The following ZZEF1 variants were observed in gnomAD, a reference collection of about 807,000 sequenced individuals.
The protein encoded by ZZEF1 is zinc finger ZZ-type and EF-hand domain containing 1.
A neutral mutation model predicts 342.8 loss-of-function variants in ZZEF1; 157 were observed. That is an observed-to-expected ratio of 0.46 (90% CI 0.40 to 0.52). The LOEUF (loss-of-function observed/expected upper bound fraction) is 0.52, where lower values mean the gene tolerates loss of function less well. ZZEF1 is among the 20% of genes least tolerant of loss of function. ZZEF1 has a pLI of 0.00. For synonymous variants in ZZEF1, 1,505 were observed against 1,429.1 expected (o/e 1.05, Z -1.20); for missense variants, 3,480 against 3,725.6 (o/e 0.93, Z 1.72).
At chr17:4,107,974 T>C (rs1199250502) in intron 6 of ZZEF1, among the ~76,000 whole-genome samples, 2 of 152,184 alleles carry the variant, frequency 1.3e-5, no homozygotes, top group Non-Finnish European at 2.9e-5. Context: ...CAAGCCAGAC[T>C]GCAGGGGTTG....
rs143937189 is a variant in ZZEF1, at chr17:4,129,969, T to A, written c.355-5918A>T. On this transcript the variant is annotated intron_variant, in intron 1 of 54. Transcript: ENST00000381638. ...CAAGTGGGAGCTAAATGATGAGAAC[T>A]CGAGAACACAAAGAAGAAACAACGG... is the stretch of plus-strand genomic sequence containing the variant. 2.4e-3 allele frequency among the ~76,000 whole-genome samples: 363 copies of A among 151,976 alleles called. 18 individuals are homozygous for A. In the East Asian group the frequency reaches 0.062, roughly 26 times the overall value.
At chr17:4,036,815 A>ACACT (rs1201707489) in intron 39 of ZZEF1, among the ~76,000 whole-genome samples, 1 of 78,726 alleles carries the variant, frequency 1.3e-5, no homozygotes, top group African/African-American at 7.6e-5. Context: ...ACACACACAC[A>ACACT]CACTCTCTCT....
chr17:4,065,584 T>G (rs1319668713), intron 28 of ZZEF1, among the ~76,000 whole-genome samples: 2 of 152,080 alleles, frequency 1.3e-5, no homozygotes, highest in Non-Finnish European at 2.9e-5. Context: ...GAAAATACCA[T>G]AAGGACCCTT....
intron 37 of ZZEF1, among the ~76,000 whole-genome samples, chr17:4,047,167 G>T (rs542250981): frequency 1.3e-5 from 2 of 152,306 alleles, no homozygotes; most frequent in South Asian, 4.1e-4. Context: ...ACAGTGCCCT[G>T]GGACCTCTTT....
intron 1 of ZZEF1, among the ~76,000 whole-genome samples, chr17:4,135,778 T>C (rs2058737932): frequency 6.6e-6 from 1 of 152,122 alleles, no homozygotes; most frequent in African/African-American, 2.4e-5. Context: ...CAGCTCTCCA[T>C]TTGCTATGGT....
At chr17:4,087,144 T>C (rs2057847751) in intron 14 of ZZEF1, among the ~76,000 whole-genome samples, 1 of 152,304 alleles carries the variant, frequency 6.6e-6, no homozygotes, top group East Asian at 1.9e-4. Flanking sequence ...CCTCCCAAAG[T>C]GCTGGGATTA....
chr17:4,096,983 C>A (rs930047670), intron 9 of ZZEF1, among the ~76,000 whole-genome samples: 1 of 151,996 alleles, frequency 6.6e-6, no homozygotes, highest in African/African-American at 2.4e-5. Flanking sequence ...ATGTTTAGGC[C>A]GGGCACAGTG....
At chr17:4,011,534 G>A (rs899291017) in intron 52 of ZZEF1, among the ~76,000 whole-genome samples, 1 of 151,914 alleles carries the variant, frequency 6.6e-6, no homozygotes, top group East Asian at 1.9e-4. Context: ...CTGAGAGAAT[G>A]AACTGAGGGG....
At chr17:4,113,442 C>A (rs1381446905) in intron 4 of ZZEF1, among the ~76,000 whole-genome samples, 1 of 152,144 alleles carries the variant, frequency 6.6e-6, no homozygotes, top group Non-Finnish European at 1.5e-5. Flanking sequence ...GTAATCCCAG[C>A]ACTTTGAGAA....
At chr17:4,047,727 G>C (rs2056952425) in intron 37 of ZZEF1, among the ~76,000 whole-genome samples, 1 of 151,588 alleles carries the variant, frequency 6.6e-6, no homozygotes, top group Non-Finnish European at 1.5e-5. Flanking sequence ...CAGATCACGA[G>C]GTCAGAAGAT....
chr17:4,017,997 G>A lies in ZZEF1; in HGVS notation c.7506-26C>T. The A allele has an allele frequency of 6.2e-7, 1 of 1,611,230 alleles. No homozygotes were observed. ...CTGCAGAAGGGCAGCACAAAGTTGA[G>A]TACCAACAGTGTAGACAGGCCAGTT... On this transcript the variant is annotated intron_variant, in intron 46 of 54. Coordinates refer to ENST00000381638, the MANE Select transcript of ZZEF1 (RefSeq NM_015113.4). The surrounding 1 kb of genome is among the most constrained non-coding windows in gnomAD (Gnocchi z 5.1).
At position 4,042,333 on chromosome 17, in the gene ZZEF1, A is replaced by G. The variant is rs1350635980; in HGVS notation, c.6306+96T>C. Reference sequence around the variant, plus strand: ...CTTCTAATCCTACCCTTAAGGCTACAGAGATGATTGTCATCATTTGTTTCA... The same window carrying G: ...CTTCTAATCCTACCCTTAAGGCTACGGAGATGATTGTCATCATTTGTTTCA... On this transcript the variant is annotated intron_variant, in intron 39 of 54. Transcript: ENST00000381638. The G allele has an allele frequency of 6.8e-6, 9 of 1,329,132 alleles. No individual in the cohort carries two copies. The African/African-American group carries it at 1.3e-4, about 20-fold the overall frequency. The allele number at this position is 1,329,132 out of a possible 1,614,324, so 82.3% of individuals were successfully genotyped here.
At position 4,142,797 on chromosome 17, in the gene ZZEF1, C is replaced by T. The variant is rs1184876598; in HGVS notation, c.99G>A (p.Thr33=). 9 of 1,410,392 alleles carry T rather than the reference C, an allele frequency of 6.4e-6. No homozygotes were observed. Among genetic ancestry groups the T allele is most frequent in the Non-Finnish European group, 8.2e-6 (9 of 1,094,164 alleles). The allele number at this position is 1,410,392 out of a possible 1,614,324, so 87.4% of individuals were successfully genotyped here. A position where few individuals can be genotyped will look rare whatever the true frequency, so the allele number is the denominator to read the frequency against. ...GAGCCGCGACGCCCGGGCCGGGGGTCGTGCCCGAGACCGCGGCCCAGTCCT... is the reference window on the plus strand; with the variant it reads ...GAGCCGCGACGCCCGGGCCGGGGGTTGTGCCCGAGACCGCGGCCCAGTCCT... The part of the protein sequence containing the change: ...PHQDWAAVSG[T]TPGPGVAAPA... The change falls in exon 1 of 55, where the codon ACG becomes ACA. Residue 33 remains threonine (T), a synonymous_variant. Coordinates refer to ENST00000381638, the MANE Select transcript of ZZEF1 (RefSeq NM_015113.4).
At chr17:4,096,784 C>T (rs2058041270) in intron 9 of ZZEF1, 84 bp from the exon 10 acceptor site, 2 of 1,112,666 alleles carry the variant, frequency 1.8e-6, no homozygotes, top group South Asian at 2.6e-5. Context: ...AAACCATATC[C>T]TTTGAGTCAT....
intron 43 of ZZEF1, among the ~76,000 whole-genome samples, chr17:4,024,186 GTT>G (rs754985234): frequency 5.3e-5 from 5 of 94,404 alleles, no homozygotes; most frequent in African/African-American, 8.1e-5. Flanking sequence ...TATTGCCCAG[GTT>G]TTTTTTTTTT....
intron 37 of ZZEF1, among the ~76,000 whole-genome samples, 156 bp from the exon 38 acceptor site, chr17:4,044,530 GT>G (rs112470272): frequency 2.0e-5 from 3 of 151,788 alleles, no homozygotes; most frequent in Non-Finnish European, 4.4e-5. Context: ...TTTTTTGTGT[GT>G]TTTTTTGAGA....
At chr17:4,123,108 G>C (rs1241798066) in intron 2 of ZZEF1, among the ~76,000 whole-genome samples, 1 of 150,954 alleles carries the variant, frequency 6.6e-6, no homozygotes, top group Non-Finnish European at 1.5e-5. Flanking sequence ...TTTCAGTAGA[G>C]ACGGGGTTTC....
At chr17:4,039,176 G>A (rs891129773) in intron 39 of ZZEF1, among the ~76,000 whole-genome samples, 3 of 151,838 alleles carry the variant, frequency 2.0e-5, no homozygotes, top group African/African-American at 7.3e-5. Flanking sequence ...AGATTCAAGG[G>A]GTCCATCCTG....
chr17:4,075,580 T>A (rs1378964208), intron 21 of ZZEF1, 151 bp from the exon 22 acceptor site: 1 of 775,042 alleles, frequency 1.3e-6, no homozygotes, highest in East Asian at 2.6e-5. Flanking sequence ...AACCTGACAT[T>A]CCCATCTTCA....
Sources: allele counts gnomAD v4.1 joint callset (sites outside exome capture counted in the v4.1 genomes callset), GRCh38; gene constraint gnomAD v4.1.1; non-coding constraint Gnocchi (gnomAD v3.1); transcripts MANE v1.5; gene names NCBI Gene and HGNC (gene_info 2026-07-23, HGNC 2026-07-21).